The following AOPEP variants were observed in gnomAD, a reference collection of about 807,000 sequenced individuals.
AOPEP encodes the protein aminopeptidase O (putative), also known as aminopeptidase O.
AOPEP carries 77 observed loss-of-function variants against 98.1 expected under a neutral mutation model. That is an observed-to-expected ratio of 0.78 (90% CI 0.65 to 0.95). The LOEUF (loss-of-function observed/expected upper bound fraction) is 0.95, where lower values mean the gene tolerates loss of function less well. AOPEP is among the 40% of genes least tolerant of loss of function. The pLI is 0.00. For synonymous variants in AOPEP, 346 were observed against 365.3 expected, an observed-to-expected ratio of 0.95 and a Z score of 0.60; for missense variants, 1,024 against 1,024.7, an observed-to-expected ratio of 1.00 and a Z score of 0.01.
chr9:94,878,211 G>T (rs966889653), intron 5 of AOPEP, among the ~76,000 whole-genome samples: 1 of 150,348 alleles, frequency 6.7e-6, no homozygotes, highest in Admixed American at 6.7e-5. Context: ...CATAATGGCA[G>T]AAAAGTCTTG....
intron 5 of AOPEP, among the ~76,000 whole-genome samples, chr9:94,894,983 A>G (rs1274064726): frequency 6.6e-6 from 1 of 152,184 alleles, no homozygotes. Flanking sequence ...AATATTTCTA[A>G]TAAATACTTC....
intron 6 of AOPEP, among the ~76,000 whole-genome samples, chr9:94,927,540 G>A (rs555239025): frequency 2.8e-4 from 43 of 152,204 alleles, no homozygotes; most frequent in African/African-American, 9.9e-4. Flanking sequence ...CTCCCCGGCC[G>A]ACTCCTCCTT....
At chr9:95,004,400 G>A (rs2061774802) in intron 11 of AOPEP, 1 of 404,280 alleles carries the variant, frequency 2.5e-6, no homozygotes, top group Non-Finnish European at 5.0e-6. Flanking sequence ...CCACACTCGC[G>A]GGAGCGCGGG....
chr9:94,770,143 C>T (rs918001446), intron 2 of AOPEP, among the ~76,000 whole-genome samples: 2 of 152,172 alleles, frequency 1.3e-5, no homozygotes, highest in African/African-American at 4.8e-5. Flanking sequence ...ATAAAAGTGT[C>T]GTCTGTCATG....
chr9:94,943,931 A>AC (rs1564424002), intron 7 of AOPEP, among the ~76,000 whole-genome samples: 4 of 147,842 alleles, frequency 2.7e-5, no homozygotes, highest in African/African-American at 1.0e-4. Flanking sequence ...AAAAAAAAAA[A>AC]AAAAAAAAAA....
chr9:95,072,576 T>A (rs1478151486), intron 14 of AOPEP, among the ~76,000 whole-genome samples: 1 of 152,168 alleles, frequency 6.6e-6, no homozygotes. Flanking sequence ...GAAGCTGCAG[T>A]GTGCCATGAT....
At position 94,773,105 on chromosome 9, in the gene AOPEP, G is replaced by T; in HGVS notation, c.901G>T (p.Ala301Ser). The change falls in exon 3 of 17, where the codon GCT (alanine) becomes TCT (serine). Residue 301 changes from alanine to serine, a missense_variant. Coordinates refer to ENST00000375315, the MANE Select transcript of AOPEP (RefSeq NM_001193329.3). ...MSTWQATVRA[A>S]ASFVVLMSGE... ...AACATGGCAGGCTACAGTTCGAGCA[G>T]CTGCATCTTTTGTTGTTTTAATGAG... The T allele has an allele frequency of 6.2e-7, 1 of 1,614,138 alleles. No homozygotes were observed. The highest frequency in any genetic ancestry group is 8.5e-7 in the Non-Finnish European group (1 of 1,180,008).
intron 5 of AOPEP, among the ~76,000 whole-genome samples, chr9:94,907,030 G>C (rs910821727): frequency 6.6e-6 from 1 of 152,234 alleles, no homozygotes; most frequent in Middle Eastern, 3.4e-3. Flanking sequence ...TGCTGTTCCA[G>C]GTCGGAATTT....
chr9:94,975,278 C>T (rs1248708879), intron 10 of AOPEP, among the ~76,000 whole-genome samples: 2 of 152,052 alleles, frequency 1.3e-5, no homozygotes, highest in Non-Finnish European at 2.9e-5. Context: ...TAATATTGGT[C>T]TTGCACAGTT....
At chr9:95,121,521 GTATC>G in the AOPEP span, among the ~76,000 whole-genome samples, 1 of 152,234 alleles carries the variant, frequency 6.6e-6, no homozygotes, top group Non-Finnish European at 1.5e-5. Flanking sequence ...CCACTCCTAA[GTATC>G]TATCCCAGAG....
chr9:94,902,361 G>T (rs72748578), intron 5 of AOPEP, among the ~76,000 whole-genome samples: 4,859 of 152,154 alleles, frequency 0.032, 202 homozygotes, highest in African/African-American at 0.094. Context: ...GGGTGAGCAG[G>T]GTCAACTGCT....
chr9:95,050,561 A>G (rs1382522289), intron 13 of AOPEP, among the ~76,000 whole-genome samples: 1 of 152,220 alleles, frequency 6.6e-6, no homozygotes, highest in African/African-American at 2.4e-5. Flanking sequence ...ACACATTTTT[A>G]TTAAATGAAA....
At chr9:94,826,418 C>A (rs1854572051) in intron 5 of AOPEP, among the ~76,000 whole-genome samples, 1 of 152,176 alleles carries the variant, frequency 6.6e-6, no homozygotes, top group Admixed American at 6.5e-5. Context: ...ACTGGGGGGA[C>A]CACAGAGCCT....
At chr9:95,080,452 G>A (rs1000278472) in intron 14 of AOPEP, among the ~76,000 whole-genome samples, 3 of 152,212 alleles carry the variant, frequency 2.0e-5, no homozygotes, top group African/African-American at 7.2e-5. Context: ...GGGAGGCAGA[G>A]GTTGCAGTGA....
chr9:95,117,181 G>T, the AOPEP span: 1 of 798,418 alleles, frequency 1.3e-6, no homozygotes, highest in Non-Finnish European at 2.1e-6. Context: ...GATCCTGGGG[G>T]CTTAAAGGGA....
chr9:94,954,075 C>T lies in AOPEP; in HGVS notation c.1662-1102C>T, dbSNP rs143987640. Reference sequence around the variant, plus strand: ...TGGTGGCTCACACCTGTAATCCCAACGCTTTGGGAGGCTGAGGTGGACGGA... The same window carrying T: ...TGGTGGCTCACACCTGTAATCCCAATGCTTTGGGAGGCTGAGGTGGACGGA... On this transcript the variant is annotated intron_variant, in intron 7 of 16. Transcript: ENST00000375315. Among the ~76,000 whole-genome samples, 8 of 152,290 alleles carry T rather than the reference C, an allele frequency of 5.3e-5. No individual in the cohort carries two copies. The South Asian group carries it at 1.5e-3, about 28-fold the overall frequency.
rs184738205 is a variant in AOPEP at position 95,085,857 on chromosome 9, A to G, written c.*5-825A>G. On this transcript the variant is annotated intron_variant, in intron 16 of 16. Transcript: ENST00000375315. The stretch of plus-strand genomic sequence containing the variant: ...AATCATGTGGTAGCTCATGGCTGTG[A>G]GCGGGGCGGGGCGGGGCTTTCGGAG... 2.8e-3 allele frequency: 3,285 copies of G among 1,161,676 alleles called. 66 individuals carry two copies. The African/African-American group carries it at 0.048, about 17-fold the overall frequency. The allele number at this position is 1,161,676 out of a possible 1,614,324, so 72.0% of individuals were successfully genotyped here.
At chr9:95,032,477 G>T (rs909801727) in intron 13 of AOPEP, among the ~76,000 whole-genome samples, 1 of 152,276 alleles carries the variant, frequency 6.6e-6, no homozygotes, top group East Asian at 1.9e-4. Context: ...ACAAAAGCCA[G>T]AGAGTGAAAT....
chr9:95,117,496 A>G, the AOPEP span: 1 of 810,880 alleles, frequency 1.2e-6, no homozygotes. Flanking sequence ...CACCAGTACT[A>G]ACATGGTCAG....
Sources: allele counts gnomAD v4.1 joint callset (sites outside exome capture counted in the v4.1 genomes callset), GRCh38; gene constraint gnomAD v4.1.1; transcripts MANE v1.5; gene names NCBI Gene and HGNC (gene_info 2026-07-23, HGNC 2026-07-21).